The following IMPACT variants were observed in gnomAD, a reference collection of about 807,000 sequenced individuals.
IMPACT encodes the protein protein IMPACT.
Under a neutral mutation model 47.5 loss-of-function variants are expected in IMPACT, and 35 were observed. The observed-to-expected ratio is 0.74, with a 90% CI of 0.56 to 0.98. The LOEUF (loss-of-function observed/expected upper bound fraction) is 0.98. Among genes scored for constraint, IMPACT ranks in the 50% least tolerant of loss-of-function variants. The probability of loss-of-function intolerance (pLI) is 0.00; values close to 1 mark genes in which losing one functional copy is unlikely to be tolerated. For missense variants in IMPACT, 373 were observed against 394.8 expected, an observed-to-expected ratio of 0.94 and a Z score of 0.47; for synonymous variants, 118 against 125.6, an observed-to-expected ratio of 0.94 and a Z score of 0.40.
intron 8 of IMPACT, among the ~76,000 whole-genome samples, chr18:24,447,008 T>C (rs922393610): frequency 6.6e-6 from 1 of 152,234 alleles, no homozygotes; most frequent in African/African-American, 2.4e-5. Flanking sequence ...CAATTTCATT[T>C]GTTTTCTTTA....
rs1227504262 is a variant in IMPACT, at chr18:24,449,952, C to T, written c.893C>T (p.Pro298Leu). Residue 298 changes from proline to leucine, a missense_variant and splice_region_variant, in exon 10 of 11, where the codon CCT (proline) becomes CTT (leucine). Pro to Leu is a moderately conservative substitution (Grantham distance 98, BLOSUM62 -3). Coordinates refer to ENST00000284202, the MANE Select transcript of IMPACT (RefSeq NM_018439.4). The stretch of plus-strand genomic sequence containing the variant: ...GTGGAAAAGAACTACACAAATTCAC[C>T]TGTAAGTGGCTCTTCGTACTACATC... Reference protein sequence around the residue: ...ILVEKNYTNSPEESSKALGKN... With the variant: ...ILVEKNYTNSLEESSKALGKN... 1 of 1,613,768 alleles carries T rather than the reference C, an allele frequency of 6.2e-7. No homozygotes were observed.
intron 8 of IMPACT, among the ~76,000 whole-genome samples, chr18:24,445,809 T>C (rs1909236007): frequency 6.6e-6 from 1 of 152,326 alleles, no homozygotes; most frequent in African/African-American, 2.4e-5. Flanking sequence ...TACTGTTTAA[T>C]GGCTGTAAAA....
At chr18:24,426,946 G>C in intron 1 of IMPACT, 154 bp downstream of exon 1, 1 of 523,812 alleles carries the variant, frequency 1.9e-6, no homozygotes, top group Non-Finnish European at 2.9e-6. Context: ...CATTTTCCCG[G>C]CGCTTCCCGT....
At chr18:24,436,695 C>G (rs866279199) in intron 4 of IMPACT, among the ~76,000 whole-genome samples, 1 of 151,948 alleles carries the variant, frequency 6.6e-6, no homozygotes, top group East Asian at 1.9e-4. Flanking sequence ...ATTACAGGCA[C>G]GCACCACCAC....
intron 8 of IMPACT, among the ~76,000 whole-genome samples, chr18:24,446,910 ACT>A (rs1478329583): frequency 6.6e-6 from 1 of 152,160 alleles, no homozygotes; most frequent in Non-Finnish European, 1.5e-5. Flanking sequence ...ATGTAAATTA[ACT>A]CTTATTAGTT....
intron 6 of IMPACT, 58 bp downstream of exon 6, chr18:24,440,676 G>A: frequency 7.2e-7 from 1 of 1,385,140 alleles, no homozygotes; most frequent in Non-Finnish European, 9.7e-7. Flanking sequence ...ATTATGTATT[G>A]TTCTTTGAGA....
intron 1 of IMPACT, 162 bp downstream of exon 1, chr18:24,426,954 C>T: frequency 2.0e-6 from 1 of 492,146 alleles, no homozygotes; most frequent in East Asian, 3.6e-5. Context: ...CGGCGCTTCC[C>T]GTCGGCCGAG....
intron 8 of IMPACT, among the ~76,000 whole-genome samples, chr18:24,445,733 T>G (rs1909234043): frequency 6.6e-6 from 1 of 152,220 alleles, no homozygotes; most frequent in Non-Finnish European, 1.5e-5. Flanking sequence ...TTATTTACCC[T>G]TGTATCCTGT....
chr18:24,434,896 GTATATATATGTGTGTGTA>G (rs1436563316), intron 4 of IMPACT, among the ~76,000 whole-genome samples: 987 of 73,980 alleles, frequency 0.013, 13 homozygotes, highest in East Asian at 0.036. Flanking sequence ...ATATATATGT[GTATATATATGTGTGTGTA>G]TATATATATA....
At chr18:24,431,150 G>A (rs533788463) in intron 4 of IMPACT, among the ~76,000 whole-genome samples, 68 of 151,976 alleles carry the variant, frequency 4.5e-4, no homozygotes, top group African/African-American at 1.6e-3. Context: ...CAATAGCTGT[G>A]GTAAGTTCTA....
chr18:24,438,199 ATTATAG>A lies in IMPACT; in HGVS notation c.367+164_367+169del, dbSNP rs369316093. Among the ~76,000 whole-genome samples the A allele has an allele frequency of 3.1e-3, 468 of 152,312 alleles. 3 individuals are homozygous for A. Among genetic ancestry groups the A allele is most frequent in the African/African-American group, 0.011 (452 of 41,564 alleles). On this transcript the variant is annotated intron_variant, in intron 5 of 10. Coordinates refer to ENST00000284202, the MANE Select transcript of IMPACT (RefSeq NM_018439.4). ...TCTGAAAAGTTTAATTGCTCATGTA[ATTATAG>A]TTATTTATTTCTATAAGGTTTAGCC...
Position 24,443,125 on chromosome 18 carries a change from C to G in IMPACT, c.567C>G (p.His189Gln). 6.2e-7 allele frequency: 1 copy of G among 1,604,164 alleles called. No individual in the cohort carries two copies. The highest frequency in any genetic ancestry group is 8.5e-7 in the Non-Finnish European group (1 of 1,172,564). Reference sequence around the variant, plus strand: ...ACCGAAGAAGTACTTTTCAGGCACACTTGGCTCCAGTGGTTTGTCCCAAAC... The same window carrying G: ...ACCGAAGAAGTACTTTTCAGGCACAGTTGGCTCCAGTGGTTTGTCCCAAAC... ...ITDRRSTFQA[H>Q]LAPVVCPKQV... The change falls in exon 7 of 11, where the codon CAC becomes CAG. Residue 189 changes from histidine to glutamine, a missense_variant. Transcript: ENST00000284202.
At chr18:24,438,925 C>A (rs1046825063) in intron 5 of IMPACT, among the ~76,000 whole-genome samples, 4 of 152,052 alleles carry the variant, frequency 2.6e-5, no homozygotes, top group Admixed American at 2.0e-4. Flanking sequence ...TACCCACACA[C>A]AAAGAGAGAG....
At chr18:24,431,324 C>T (rs979281549) in intron 4 of IMPACT, among the ~76,000 whole-genome samples, 3 of 151,838 alleles carry the variant, frequency 2.0e-5, no homozygotes, top group African/African-American at 7.3e-5. Context: ...TGGCACATTA[C>T]AGGAAACAGT....
intron 5 of IMPACT, 45 bp from the exon 6 acceptor site, chr18:24,440,450 GT>G (rs1909071914): frequency 6.3e-7 from 1 of 1,592,132 alleles, no homozygotes; most frequent in African/African-American, 1.4e-5. Context: ...AAAAAGCATC[GT>G]TTCTTACCTG....
Position 24,452,141 on chromosome 18 carries a change from G to A in IMPACT, c.*1294G>A, listed in dbSNP as rs1176217252. On this transcript the variant is annotated 3_prime_UTR_variant, in exon 11 of 11. Coordinates refer to ENST00000284202, the MANE Select transcript of IMPACT (RefSeq NM_018439.4). Reference sequence around the variant, plus strand: ...TAGAGCATGGAAAGCACAGAGAATTGGACAAACAGGTCTTTTTCTCTTTTC... The same window carrying A: ...TAGAGCATGGAAAGCACAGAGAATTAGACAAACAGGTCTTTTTCTCTTTTC... 6.6e-6 allele frequency: 1 copy of A among 152,134 alleles called. No homozygotes were observed. The highest frequency in any genetic ancestry group is 1.5e-5 in the Non-Finnish European group (1 of 68,026). 9.4% of individuals were successfully genotyped at this position (152,134 alleles called of 1,614,324 possible). A position where few individuals can be genotyped will look rare whatever the true frequency, so the allele number is the denominator to read the frequency against.
chr18:24,439,338 C>A (rs1275370433), intron 5 of IMPACT, among the ~76,000 whole-genome samples: 3 of 152,130 alleles, frequency 2.0e-5, no homozygotes, highest in African/African-American at 4.8e-5. Flanking sequence ...CAGGACCAGC[C>A]TGGCCAACAT....
At chr18:24,447,649 T>A (rs888493606) in intron 8 of IMPACT, among the ~76,000 whole-genome samples, 17 of 152,214 alleles carry the variant, frequency 1.1e-4, no homozygotes, top group African/African-American at 3.6e-4. Flanking sequence ...ATCTTTTTTT[T>A]ATATGCTTTT....
chr18:24,452,285 T>TA lies in IMPACT; in HGVS notation c.*1439dup, dbSNP rs539305741. On this transcript the variant is annotated 3_prime_UTR_variant, in exon 11 of 11. Coordinates refer to ENST00000284202, the MANE Select transcript of IMPACT (RefSeq NM_018439.4). ...AATATAAATTCTAAATTATATTTGT[T>TA]ATAACTATATTTTATGTTGTATGTT... is the stretch of plus-strand genomic sequence containing the variant. 143 of 152,360 alleles carry TA rather than the reference T, an allele frequency of 9.4e-4. No homozygotes were observed. The highest frequency in any genetic ancestry group is 3.1e-3 in the African/African-American group (129 of 41,578). The allele number at this position is 152,360 out of a possible 1,614,324, so 9.4% of individuals were successfully genotyped here.
Sources: gnomAD v4.1 joint callset for allele counts (sites outside exome capture counted in the v4.1 genomes callset) on GRCh38, gnomAD v4.1.1 for gene constraint, MANE v1.5 for transcripts, NCBI Gene and HGNC (gene_info 2026-07-23, HGNC 2026-07-21) for gene names.